The following NUP155 variants were observed in gnomAD, a reference collection of about 807,000 sequenced individuals.
NUP155 encodes the protein nucleoporin 155.
Under a neutral mutation model 180.4 loss-of-function variants are expected in NUP155, and 71 were observed. The observed-to-expected ratio is 0.39, with a 90% CI of 0.33 to 0.48. The LOEUF (loss-of-function observed/expected upper bound fraction) is 0.48, where lower values mean the gene tolerates loss of function less well. Ranked by LOEUF, NUP155 falls within the 20% of genes least tolerant of loss-of-function variation. The pLI is 0.91. For synonymous variants in NUP155, 582 were observed against 559.5 expected (o/e 1.04, Z -0.57); for missense variants, 1,553 against 1,648.9 (o/e 0.94, Z 1.01).
chr5:37,339,097 T>C (rs2150974349), intron 11 of NUP155, among the ~76,000 whole-genome samples: 1 of 152,196 alleles, frequency 6.6e-6, no homozygotes, highest in South Asian at 2.1e-4. Context: ...GGCCAGGTGC[T>C]GTGGCTTATG....
chr5:37,330,073 T>G lies in NUP155; in HGVS notation c.1689A>C (p.Arg563Ser). ...ILACSTAACD[R>S]EVSAWATRAF... ...CCCGAGTAGCCCAGGCAGATACTTC[T>G]CTATCACAGGCAGCAGTGGAGCAAG... Residue 563 changes from arginine to serine, a missense_variant, in exon 15 of 35, where the codon AGA (arginine) becomes AGC (serine). Arg to Ser is a moderately radical substitution (Grantham distance 110, BLOSUM62 -1). Coordinates refer to ENST00000231498, the MANE Select transcript of NUP155 (RefSeq NM_153485.3). 6.8e-6 allele frequency: 11 copies of G among 1,613,792 alleles called. No individual in the cohort carries two copies. Among genetic ancestry groups the G allele is most frequent in the Non-Finnish European group, 9.3e-6 (11 of 1,179,832 alleles).
At chr5:37,307,482 T>C (rs1561772153) in intron 24 of NUP155, 50 bp from the exon 25 acceptor site, 3 of 1,582,302 alleles carry the variant, frequency 1.9e-6, no homozygotes, top group Non-Finnish European at 1.7e-6. Flanking sequence ...CTAAGTTGGA[T>C]ACATTTTTCC....
chr5:37,346,246 C>T (rs1219955689), intron 9 of NUP155, among the ~76,000 whole-genome samples: 1 of 151,904 alleles, frequency 6.6e-6, no homozygotes, highest in Non-Finnish European at 1.5e-5. Context: ...ACACTGCACT[C>T]CAGTCTGGGC....
intron 3 of NUP155, among the ~76,000 whole-genome samples, chr5:37,363,309 T>TTA (rs1747341285): frequency 6.6e-6 from 1 of 152,292 alleles, no homozygotes; most frequent in East Asian, 1.9e-4. Context: ...TTTCCTATGT[T>TTA]TATCCCACAC....
intron 5 of NUP155, among the ~76,000 whole-genome samples, chr5:37,352,025 C>G (rs186234532): frequency 1.2e-3 from 187 of 151,220 alleles, no homozygotes; most frequent in African/African-American, 4.3e-3. Context: ...CAGTTCAAGA[C>G]CAGCCTGACC....
At chr5:37,335,285 G>A (rs1745253107) in intron 12 of NUP155, among the ~76,000 whole-genome samples, 1 of 151,428 alleles carries the variant, frequency 6.6e-6, no homozygotes, top group African/African-American at 2.4e-5. Context: ...GAAGGCTGAG[G>A]TAGGAGGATT....
intron 32 of NUP155, 124 bp from the exon 33 acceptor site, chr5:37,294,589 G>C (rs1415260871): frequency 1.3e-5 from 13 of 974,412 alleles, no homozygotes; most frequent in Non-Finnish European, 2.0e-5. Flanking sequence ...AATTTTTTGG[G>C]GCGGGGGGTT....
At chr5:37,363,824 T>G (rs1747372082) in intron 3 of NUP155, 64 bp downstream of exon 3, 2 of 1,057,244 alleles carry the variant, frequency 1.9e-6, no homozygotes, top group Non-Finnish European at 3.0e-6. Context: ...ATGAGAACAC[T>G]AGCTACAGTA....
At chr5:37,330,728 AAAACAAACAAAC>A (rs576511756) in intron 14 of NUP155, among the ~76,000 whole-genome samples, 3 of 152,206 alleles carry the variant, frequency 2.0e-5, no homozygotes, top group South Asian at 2.1e-4. Context: ...TCATTAAGCC[AAAACAAACAAAC>A]AAACAAACAA....
chr5:37,337,992 G>A (rs936856211), intron 11 of NUP155, 74 bp from the exon 12 acceptor site: 11 of 983,352 alleles, frequency 1.1e-5, no homozygotes, highest in South Asian at 4.3e-5. Context: ...TAATTATTAG[G>A]TTAGTGCAAA....
intron 27 of NUP155, 69 bp from the exon 28 acceptor site, chr5:37,303,483 T>C (rs1742976157): frequency 2.8e-5 from 37 of 1,333,602 alleles, no homozygotes; most frequent in Non-Finnish European, 3.7e-5. Context: ...ATAAGGAAAA[T>C]ATAGTATTTT....
At chr5:37,316,023 T>A (rs1743861607) in intron 21 of NUP155, among the ~76,000 whole-genome samples, 1 of 152,182 alleles carries the variant, frequency 6.6e-6, no homozygotes, top group Non-Finnish European at 1.5e-5. Flanking sequence ...AAATTAGTAA[T>A]AGAATTACCA....
At chr5:37,297,001 A>C (rs1374288349) in intron 32 of NUP155, among the ~76,000 whole-genome samples, 1 of 152,068 alleles carries the variant, frequency 6.6e-6, no homozygotes, top group Non-Finnish European at 1.5e-5. Flanking sequence ...ACATGGTGAA[A>C]CCCTGTCTCT....
intron 32 of NUP155, among the ~76,000 whole-genome samples, chr5:37,298,545 T>A (rs1024212557): frequency 6.6e-6 from 1 of 152,218 alleles, no homozygotes; most frequent in Admixed American, 6.5e-5. Flanking sequence ...AGATTACCTA[T>A]GCACAAAAAC....
At chr5:37,325,846 T>C in intron 19 of NUP155, 55 bp downstream of exon 19, 1 of 1,054,906 alleles carries the variant, frequency 9.5e-7, no homozygotes, top group East Asian at 2.4e-5. Context: ...AATCTAACCA[T>C]TTATACCATC....
At chr5:37,302,251 GAGAC>G (rs1246707489) in intron 29 of NUP155, among the ~76,000 whole-genome samples, 5 of 151,962 alleles carry the variant, frequency 3.3e-5, no homozygotes, top group Non-Finnish European at 7.4e-5. Flanking sequence ...ATTATTTTTT[GAGAC>G]AGAGTCTCAG....
chr5:37,342,787 A>AGGAG, intron 9 of NUP155, 141 bp from the exon 10 acceptor site: 1 of 640,578 alleles, frequency 1.6e-6, no homozygotes, highest in East Asian at 3.2e-5. Context: ...CCCAGGCTGG[A>AGGAG]GGAGAGTGGC....
intron 20 of NUP155, among the ~76,000 whole-genome samples, chr5:37,321,771 G>A (rs1211299522): frequency 3.3e-5 from 5 of 152,132 alleles, no homozygotes; most frequent in African/African-American, 1.2e-4. Flanking sequence ...CACAAAGTAT[G>A]AATAATGTTA....
At chr5:37,343,076 T>TC (rs1292307859) in intron 9 of NUP155, among the ~76,000 whole-genome samples, 2 of 151,736 alleles carry the variant, frequency 1.3e-5, no homozygotes, top group Admixed American at 6.6e-5. Context: ...CTTTTTTTTT[T>TC]CTTTTTTCTT....
Sources: allele counts gnomAD v4.1 joint callset (sites outside exome capture counted in the v4.1 genomes callset), GRCh38; gene constraint gnomAD v4.1.1; transcripts MANE v1.5; gene names NCBI Gene and HGNC (gene_info 2026-07-23, HGNC 2026-07-21).